The following LCLAT1 variants were observed in gnomAD, a reference collection of about 807,000 sequenced individuals.
The protein encoded by LCLAT1 is 1-AGP acyltransferase 8.
In LCLAT1, 11 loss-of-function variants were observed where a neutral mutation model predicts 30.7. The observed-to-expected ratio is 0.36, with a 90% CI of 0.23 to 0.59. LCLAT1 has a LOEUF of 0.59. Ranked by LOEUF, LCLAT1 falls within the 20% of genes least tolerant of loss-of-function variation. The pLI is 0.77. For missense variants in LCLAT1, 402 were observed against 458.6 expected (o/e 0.88, Z 1.13); for synonymous variants, 155 against 151.3 (o/e 1.02, Z -0.18).
chr2:30,464,546 A>G (rs1245468712), intron 1 of LCLAT1, among the ~76,000 whole-genome samples: 2 of 152,262 alleles, frequency 1.3e-5, no homozygotes, highest in Non-Finnish European at 2.9e-5. Context: ...TTACCAATGT[A>G]GAAGAGAAAG....
At chr2:30,623,644 T>C (rs575046343) in intron 5 of LCLAT1, among the ~76,000 whole-genome samples, 2 of 150,996 alleles carry the variant, frequency 1.3e-5, no homozygotes, top group South Asian at 2.1e-4. Context: ...CTAAGAAAAA[T>C]TGGTGTTCCC....
chr2:30,627,380 T>G (rs2148523505), intron 5 of LCLAT1, among the ~76,000 whole-genome samples: 1 of 152,346 alleles, frequency 6.6e-6, no homozygotes, highest in East Asian at 1.9e-4. Context: ...TAACGAAACT[T>G]TCTTCGCTTT....
intron 5 of LCLAT1, among the ~76,000 whole-genome samples, chr2:30,592,477 C>G (rs186421903): frequency 2.8e-4 from 43 of 152,172 alleles, no homozygotes; most frequent in Middle Eastern, 3.4e-3. Context: ...GAGCAAGACC[C>G]TGTCTAAAGA....
At chr2:30,604,329 T>A (rs1249012749) in intron 5 of LCLAT1, among the ~76,000 whole-genome samples, 1 of 146,890 alleles carries the variant, frequency 6.8e-6, no homozygotes, top group Admixed American at 6.9e-5. Context: ...AGAGAAGATT[T>A]GACAGCTGTC....
chr2:30,494,121 G>A (rs1279846960), intron 1 of LCLAT1, among the ~76,000 whole-genome samples: 1 of 152,202 alleles, frequency 6.6e-6, no homozygotes, highest in East Asian at 1.9e-4. Context: ...TGTTCAGGAT[G>A]ATGAGGCAGG....
intron 3 of LCLAT1, among the ~76,000 whole-genome samples, chr2:30,538,855 C>T (rs1467386895): frequency 1.3e-5 from 2 of 151,790 alleles, no homozygotes; most frequent in Non-Finnish European, 2.9e-5. Context: ...CCAAACAGAC[C>T]AATAACAAGT....
intron 5 of LCLAT1, among the ~76,000 whole-genome samples, chr2:30,602,091 A>G (rs1392144891): frequency 6.6e-6 from 1 of 152,212 alleles, no homozygotes; most frequent in Middle Eastern, 3.4e-3. Context: ...TTCTTTCTCA[A>G]TAGGATTTCA....
At chr2:30,517,896 C>T (rs886226714) in intron 1 of LCLAT1, among the ~76,000 whole-genome samples, 3 of 152,078 alleles carry the variant, frequency 2.0e-5, no homozygotes, top group African/African-American at 7.2e-5. Flanking sequence ...ACTCCAATAC[C>T]ACCTTGTTAT....
chr2:30,538,593 C>T (rs977622163), intron 3 of LCLAT1, among the ~76,000 whole-genome samples: 1 of 151,798 alleles, frequency 6.6e-6, no homozygotes, highest in African/African-American at 2.4e-5. Flanking sequence ...TGAGATTGCA[C>T]CACTGCACTG....
intron 3 of LCLAT1, among the ~76,000 whole-genome samples, chr2:30,552,256 C>A (rs1664713393): frequency 6.6e-6 from 1 of 152,112 alleles, no homozygotes; most frequent in African/African-American, 2.4e-5. Context: ...ACATGAACCC[C>A]AAAATTGTAA....
chr2:30,515,346 A>G (rs1685129532), intron 1 of LCLAT1, among the ~76,000 whole-genome samples: 1 of 152,244 alleles, frequency 6.6e-6, no homozygotes, highest in African/African-American at 2.4e-5. Flanking sequence ...AGACTCTGAG[A>G]GTAACGCTAG....
chr2:30,521,793 C>T (rs1162404203), intron 1 of LCLAT1, among the ~76,000 whole-genome samples: 1 of 152,088 alleles, frequency 6.6e-6, no homozygotes, highest in East Asian at 1.9e-4. Flanking sequence ...GCATGAGCCA[C>T]CGCTGGACCA....
intron 1 of LCLAT1, among the ~76,000 whole-genome samples, chr2:30,516,825 A>G (rs1437393303): frequency 1.2e-4 from 18 of 152,212 alleles, no homozygotes; most frequent in Admixed American, 9.8e-4. Flanking sequence ...GCTGTTGACC[A>G]TTTAAAAATG....
chr2:30,620,678 C>T (rs1013744347), intron 5 of LCLAT1, among the ~76,000 whole-genome samples: 5 of 152,050 alleles, frequency 3.3e-5, no homozygotes, highest in East Asian at 1.9e-4. Context: ...ATCAAGACTA[C>T]GAAAAAAGCA....
In LCLAT1 at chr2:30,602,824, G is replaced by A. The variant is rs185996367; in HGVS notation, c.628+34648G>A. On this transcript the variant is annotated intron_variant, in intron 5 of 5. Transcript: ENST00000379509. ...TTCACACTAGCTCAGTATTAGCTCA[G>A]CCCTGGCTTCCCATCCCTGTCTTTT... 1.5e-3 allele frequency among the ~76,000 whole-genome samples: 229 copies of A among 152,238 alleles called. 1 individual carries two copies. Among genetic ancestry groups the A allele is most frequent in the South Asian group, 2.7e-3 (13 of 4,826 alleles).
intron 5 of LCLAT1, among the ~76,000 whole-genome samples, chr2:30,569,778 T>C (rs1267284193): frequency 6.6e-6 from 1 of 152,214 alleles, no homozygotes; most frequent in Non-Finnish European, 1.5e-5. Flanking sequence ...CCAAAAATGT[T>C]ATTCATATTA....
intron 5 of LCLAT1, among the ~76,000 whole-genome samples, chr2:30,588,860 A>G (rs1666560528): frequency 6.6e-6 from 1 of 152,144 alleles, no homozygotes. Context: ...TCGGCCTCCT[A>G]GAGTGCTGGG....
chr2:30,609,509 T>G (rs950377834), intron 5 of LCLAT1, among the ~76,000 whole-genome samples: 4 of 152,144 alleles, frequency 2.6e-5, no homozygotes, highest in Admixed American at 2.0e-4. Flanking sequence ...TCCCCATATA[T>G]TCATGAGAAT....
chr2:30,509,168 G>A (rs1684818484), intron 1 of LCLAT1, among the ~76,000 whole-genome samples: 1 of 152,148 alleles, frequency 6.6e-6, no homozygotes, highest in African/African-American at 2.4e-5. Context: ...GAGTTTTTGG[G>A]CCAAGACTTT....
Sources: gnomAD v4.1 joint callset for allele counts (sites outside exome capture counted in the v4.1 genomes callset) on GRCh38, gnomAD v4.1.1 for gene constraint, MANE v1.5 for transcripts, NCBI Gene and HGNC (gene_info 2026-07-23, HGNC 2026-07-21) for gene names.